DCC: variants seen among roughly 807,000 people sequenced by gnomAD.
DCC encodes DCC netrin 1 receptor, also known as netrin receptor DCC.
A neutral mutation model predicts 172.5 loss-of-function variants in DCC; 58 were observed. The ratio of observed to expected loss-of-function variants is 0.34; its 90% CI spans 0.27 to 0.42. DCC has a LOEUF of 0.42. Among genes scored for constraint, DCC ranks in the 10% least tolerant of loss-of-function variants. DCC has a pLI of 1.00. For synonymous variants in DCC, 709 were observed against 644.5 expected, an observed-to-expected ratio of 1.10 and a Z score of -1.52; for missense variants, 1,740 against 1,791.0, an observed-to-expected ratio of 0.97 and a Z score of 0.51.
At chr18:52,955,471 T>G (rs1162464938) in intron 5 of DCC, among the ~76,000 whole-genome samples, 1 of 152,136 alleles carries the variant, frequency 6.6e-6, no homozygotes, top group Non-Finnish European at 1.5e-5. Context: ...CTTGGTTGTT[T>G]CCAAATTTTG....
chr18:52,809,883 T>G (rs979464376), intron 2 of DCC, among the ~76,000 whole-genome samples: 1 of 152,252 alleles, frequency 6.6e-6, no homozygotes, highest in Middle Eastern at 3.4e-3. Flanking sequence ...TTTCTTTACC[T>G]CCTGCTTTTA....
intron 7 of DCC, among the ~76,000 whole-genome samples, chr18:53,136,591 T>A (rs984711985): frequency 6.6e-6 from 1 of 152,230 alleles, no homozygotes; most frequent in Middle Eastern, 3.4e-3. Context: ...AGAAAGAAGA[T>A]CACAGGTTGC....
chr18:52,788,508 G>T (rs752730231), intron 2 of DCC, among the ~76,000 whole-genome samples: 1 of 152,068 alleles, frequency 6.6e-6, no homozygotes, highest in Non-Finnish European at 1.5e-5. Context: ...GCATTTTGAC[G>T]ACACTTGCAT....
At chr18:52,442,416 ATAAT>A (rs151058135) in intron 1 of DCC, among the ~76,000 whole-genome samples, 78 of 152,364 alleles carry the variant, frequency 5.1e-4, no homozygotes, top group Non-Finnish European at 9.8e-4. Context: ...ATTAAAAATA[ATAAT>A]TATAACAATA....
At chr18:53,164,166 C>A (rs1285811371) in intron 8 of DCC, among the ~76,000 whole-genome samples, 1 of 152,098 alleles carries the variant, frequency 6.6e-6, no homozygotes, top group Non-Finnish European at 1.5e-5. Flanking sequence ...ATGTTTCATT[C>A]CAATAATTTT....
In DCC at chr18:53,309,922, G is replaced by GTATATATATA. The variant is rs5825006; in HGVS notation, c.2053+4216_2053+4225dup. ...ATTTACTGCAAACATATATGTGCGT[G>GTATATATATA]TATATATATATATATATATATACAT... On this transcript the variant is annotated intron_variant, in intron 13 of 28. Coordinates refer to ENST00000442544, the MANE Select transcript of DCC (RefSeq NM_005215.4). Among the ~76,000 whole-genome samples the GTATATATATA allele has an allele frequency of 2.5e-3, 314 of 123,496 alleles. 1 individual carries two copies. The highest frequency in any genetic ancestry group is 9.9e-3 in the African/African-American group (292 of 29,630). The allele number at this position is 123,496 out of a possible 152,430, so 81.0% of individuals were successfully genotyped here.
At chr18:52,418,826 G>GAT (rs1472339098) in intron 1 of DCC, among the ~76,000 whole-genome samples, 1 of 149,354 alleles carries the variant, frequency 6.7e-6, no homozygotes, top group Non-Finnish European at 1.5e-5. Context: ...CAGTATCCGA[G>GAT]ATCCTTTTTC....
intron 5 of DCC, among the ~76,000 whole-genome samples, chr18:52,989,964 G>A (rs1262165279): frequency 6.6e-6 from 1 of 152,158 alleles, no homozygotes; most frequent in Non-Finnish European, 1.5e-5. Flanking sequence ...CATCTGAGAT[G>A]TAAAAAGATA....
At chr18:53,189,419 A>G (rs1167658840) in intron 9 of DCC, among the ~76,000 whole-genome samples, 1 of 151,600 alleles carries the variant, frequency 6.6e-6, no homozygotes, top group Non-Finnish European at 1.5e-5. Context: ...ACAATTTTAT[A>G]TATATATAAA....
chr18:53,356,033 CA>C (rs1361226404), intron 15 of DCC, among the ~76,000 whole-genome samples: 2 of 152,088 alleles, frequency 1.3e-5, no homozygotes, highest in Admixed American at 6.6e-5. Context: ...TGCAATTAAA[CA>C]GATACCTTAT....
chr18:52,589,266 G>T (rs552886642), intron 1 of DCC, among the ~76,000 whole-genome samples: 1 of 152,266 alleles, frequency 6.6e-6, no homozygotes, highest in African/African-American at 2.4e-5. Flanking sequence ...AGAAAATATA[G>T]TCTACAGATA....
intron 1 of DCC, among the ~76,000 whole-genome samples, chr18:52,599,274 G>A (rs1245408085): frequency 6.6e-6 from 1 of 152,122 alleles, no homozygotes; most frequent in Non-Finnish European, 1.5e-5. Flanking sequence ...AAATAATACA[G>A]CAGTGCAGTT....
At chr18:52,596,180 G>A (rs1310839595) in intron 1 of DCC, among the ~76,000 whole-genome samples, 4 of 152,118 alleles carry the variant, frequency 2.6e-5, no homozygotes, top group Admixed American at 2.0e-4. Flanking sequence ...ACCTAATAGC[G>A]ACCTCCTTTC....
At chr18:53,029,995 G>A (rs72932085) in intron 5 of DCC, among the ~76,000 whole-genome samples, 13,255 of 152,230 alleles carry the variant, frequency 0.087, 817 homozygotes, top group Non-Finnish European at 0.13. Flanking sequence ...AGATTCTACC[G>A]TCTTCTCAGA....
intron 15 of DCC, among the ~76,000 whole-genome samples, chr18:53,380,824 T>C (rs949501137): frequency 2.6e-5 from 4 of 152,172 alleles, no homozygotes; most frequent in African/African-American, 9.6e-5. Context: ...TACAAGTCCA[T>C]TGCAAGTGTG....
At chr18:53,090,616 C>T (rs574673805) in intron 7 of DCC, among the ~76,000 whole-genome samples, 1 of 142,352 alleles carries the variant, frequency 7.0e-6, no homozygotes, top group African/African-American at 2.6e-5. Flanking sequence ...ATGGCATGAA[C>T]CCGGGAGGCA....
In DCC at chr18:52,616,397, A is replaced by C. The variant is rs188619936; in HGVS notation, c.92-135657A>C. On this transcript the variant is annotated intron_variant, in intron 1 of 28. Transcript: ENST00000442544. ...ATAAATAAGATTGTTCTTACAATTCAAAGTGACTAGAAATTCATCTATGCC... is the reference window on the plus strand; with the variant it reads ...ATAAATAAGATTGTTCTTACAATTCCAAGTGACTAGAAATTCATCTATGCC... Among the ~76,000 whole-genome samples, 3 of 152,352 alleles carry C rather than the reference A, an allele frequency of 2.0e-5. No homozygotes were observed. In the East Asian group the frequency reaches 5.8e-4, roughly 29 times the overall value.
At chr18:52,886,058 C>T (rs184863159) in intron 2 of DCC, among the ~76,000 whole-genome samples, 1 of 151,834 alleles carries the variant, frequency 6.6e-6, no homozygotes, top group Admixed American at 6.6e-5. Flanking sequence ...CCTCTTCTCT[C>T]TCCTCACCTC....
intron 18 of DCC, among the ~76,000 whole-genome samples, chr18:53,402,389 CAAAAAAA>C (rs201731473): frequency 2.3e-5 from 3 of 133,166 alleles, no homozygotes; most frequent in Non-Finnish European, 5.0e-5. Flanking sequence ...GACCCTGTCT[CAAAAAAA>C]AAAAAAAATA....
Sources: allele counts gnomAD v4.1 joint callset (sites outside exome capture counted in the v4.1 genomes callset), GRCh38; gene constraint gnomAD v4.1.1; transcripts MANE v1.5; gene names NCBI Gene and HGNC (gene_info 2026-07-23, HGNC 2026-07-21).